CWC27: variants seen among roughly 807,000 people sequenced by gnomAD.
The protein encoded by CWC27 is CWC27 spliceosome associated cyclophilin.
Under a neutral mutation model 63.6 loss-of-function variants are expected in CWC27, and 47 were observed. That is an observed-to-expected ratio of 0.74 (90% CI 0.58 to 0.94). CWC27 has a LOEUF of 0.94. Among genes scored for constraint, CWC27 ranks in the 40% least tolerant of loss-of-function variants. The pLI, the probability that CWC27 is intolerant of heterozygous loss-of-function variation, is 0.00. For missense variants in CWC27, 495 were observed against 554.3 expected, an observed-to-expected ratio of 0.89 and a Z score of 1.07; for synonymous variants, 175 against 179.8, an observed-to-expected ratio of 0.97 and a Z score of 0.22.
chr5:64,868,728 T>C (rs561617738), intron 10 of CWC27, among the ~76,000 whole-genome samples: 74 of 152,256 alleles, frequency 4.9e-4, no homozygotes, highest in African/African-American at 1.8e-3. Context: ...TTCAAGTTCA[T>C]ATAGCCAATA....
At chr5:64,979,979 A>AAT (rs1749305341) in intron 13 of CWC27, among the ~76,000 whole-genome samples, 1 of 151,882 alleles carries the variant, frequency 6.6e-6, no homozygotes, top group Non-Finnish European at 1.5e-5. Context: ...AAAAAAAAAA[A>AAT]AAAAAAGAGA....
chr5:64,937,585 G>A (rs965752530), intron 11 of CWC27, among the ~76,000 whole-genome samples: 11 of 152,192 alleles, frequency 7.2e-5, no homozygotes, highest in Non-Finnish European at 1.5e-4. Context: ...TTGGGGTGGA[G>A]GATTCTGTAG....
At chr5:64,782,919 C>T (rs764622555) in intron 3 of CWC27, among the ~76,000 whole-genome samples, 7 of 152,060 alleles carry the variant, frequency 4.6e-5, no homozygotes, top group East Asian at 1.9e-4. Context: ...TTAGATACTC[C>T]GTCTAGTCGG....
chr5:64,915,624 A>T (rs949886153), intron 11 of CWC27, among the ~76,000 whole-genome samples: 6 of 152,080 alleles, frequency 3.9e-5, no homozygotes, highest in Non-Finnish European at 8.8e-5. Context: ...TTTGGTTCCC[A>T]ACTATGTCTT....
In CWC27 at chr5:64,801,284, T is replaced by G. The variant is rs201763486; in HGVS notation, c.750-18T>G. 2.1e-4 allele frequency: 295 copies of G among 1,420,510 alleles called. 3 individuals are homozygous for G. The African/African-American group carries it at 3.9e-3, about 19-fold the overall frequency. 88.0% of individuals were successfully genotyped at this position (1,420,510 alleles called of 1,614,324 possible). A position where few individuals can be genotyped will look rare whatever the true frequency, so the allele number is the denominator to read the frequency against. ...TTTACCTTGAAACTAAAATTTGTTT[T>G]GCTTATTTTTTTTATAGTGAAAAAG... On this transcript the variant is annotated intron_variant, in intron 8 of 13. Transcript: ENST00000381070.
intron 11 of CWC27, among the ~76,000 whole-genome samples, chr5:64,948,171 C>A (rs1748627826): frequency 6.6e-6 from 1 of 151,950 alleles, no homozygotes; most frequent in South Asian, 2.1e-4. Flanking sequence ...CAGGGTTTTT[C>A]AAATTGTAGG....
At chr5:64,876,555 C>T (rs1746798271) in intron 10 of CWC27, among the ~76,000 whole-genome samples, 2 of 152,082 alleles carry the variant, frequency 1.3e-5, no homozygotes, top group African/African-American at 2.4e-5. Context: ...GTTCATTTAC[C>T]ATCATATATA....
chr5:64,810,931 A>G (rs994832115), intron 10 of CWC27, among the ~76,000 whole-genome samples: 3 of 152,154 alleles, frequency 2.0e-5, no homozygotes, highest in African/African-American at 7.2e-5. Context: ...CAAGAAAGTG[A>G]GAATCAAGTA....
intron 13 of CWC27, among the ~76,000 whole-genome samples, chr5:65,002,468 A>G (rs1749747635): frequency 6.6e-6 from 1 of 152,014 alleles, no homozygotes; most frequent in Non-Finnish European, 1.5e-5. Context: ...CCTGTATTCC[A>G]TAAGTTTGGG....
chr5:64,787,226 T>C (rs1434217991), intron 6 of CWC27, among the ~76,000 whole-genome samples: 2 of 28,032 alleles, frequency 7.1e-5, no homozygotes, highest in African/African-American at 4.4e-4. Flanking sequence ...ATTAGTGGTT[T>C]TGTTTGTTTG....
At chr5:65,005,512 G>A (rs1749826107) in intron 13 of CWC27, among the ~76,000 whole-genome samples, 1 of 151,880 alleles carries the variant, frequency 6.6e-6, no homozygotes, top group Non-Finnish European at 1.5e-5. Context: ...GGCAGGGCAG[G>A]TCAGTCCCCA....
intron 11 of CWC27, among the ~76,000 whole-genome samples, chr5:64,911,159 T>C (rs1296047534): frequency 6.6e-6 from 1 of 152,254 alleles, no homozygotes; most frequent in African/African-American, 2.4e-5. Flanking sequence ...GATTCTCAGC[T>C]GCCTGCCCTT....
intron 10 of CWC27, among the ~76,000 whole-genome samples, chr5:64,825,131 T>A (rs1745325204): frequency 6.6e-6 from 1 of 152,158 alleles, no homozygotes. Flanking sequence ...TATAATGGCA[T>A]GTTTTCCCAA....
At chr5:65,011,007 C>A (rs1268633814) in intron 13 of CWC27, among the ~76,000 whole-genome samples, 1 of 152,158 alleles carries the variant, frequency 6.6e-6, no homozygotes, top group Admixed American at 6.5e-5. Flanking sequence ...TGAGGGCATT[C>A]TTCTTGGCAA....
At chr5:65,013,478 A>G (rs1422938871) in intron 13 of CWC27, among the ~76,000 whole-genome samples, 3 of 152,202 alleles carry the variant, frequency 2.0e-5, no homozygotes. Flanking sequence ...TGTCTCAAAC[A>G]ACTGAGTCTG....
chr5:64,878,446 T>C (rs1746848557), intron 10 of CWC27, among the ~76,000 whole-genome samples: 1 of 119,120 alleles, frequency 8.4e-6, no homozygotes, highest in Admixed American at 1.1e-4. Context: ...CACCAGGTAG[T>C]CAGCACTGTC....
intron 2 of CWC27, among the ~76,000 whole-genome samples, chr5:64,777,726 GTGA>G (rs1743506908): frequency 1.3e-5 from 2 of 152,036 alleles, no homozygotes; most frequent in Admixed American, 6.6e-5. Flanking sequence ...CAAAACACTT[GTGA>G]TGATGCATAA....
intron 11 of CWC27, among the ~76,000 whole-genome samples, chr5:64,892,731 G>A (rs754306099): frequency 4.6e-5 from 7 of 151,506 alleles, no homozygotes; most frequent in African/African-American, 9.8e-5. Context: ...TGTAAAGACC[G>A]TACAAATGCA....
intron 10 of CWC27, among the ~76,000 whole-genome samples, chr5:64,861,029 C>T (rs1452427482): frequency 6.6e-6 from 1 of 152,090 alleles, no homozygotes; most frequent in Non-Finnish European, 1.5e-5. Context: ...TGGGGCTCCT[C>T]AAATGGTTAG....
Sources: gnomAD v4.1 joint callset for allele counts (sites outside exome capture counted in the v4.1 genomes callset) on GRCh38, gnomAD v4.1.1 for gene constraint, MANE v1.5 for transcripts, NCBI Gene and HGNC (gene_info 2026-07-23, HGNC 2026-07-21) for gene names.